LOC400499: variants seen among roughly 807,000 people sequenced by gnomAD.
chr16:11,483,464 A>C, the LOC400499 span, among the ~76,000 whole-genome samples: 1 of 152,210 alleles, frequency 6.6e-6, no homozygotes, highest in Non-Finnish European at 1.5e-5. Flanking sequence ...GAATACCATT[A>C]AGCAATAAAA....
chr16:11,386,633 T>G, the LOC400499 span, among the ~76,000 whole-genome samples: 1 of 152,128 alleles, frequency 6.6e-6, no homozygotes, highest in Admixed American at 6.5e-5. Flanking sequence ...TTACCTACAT[T>G]TCACGGTGGA....
At chr16:11,425,468 C>T in the LOC400499 span, 15 of 398,948 alleles carry the variant, frequency 3.8e-5, no homozygotes, top group East Asian at 7.1e-5. Flanking sequence ...AGAGCAGAGG[C>T]GGCTCAGGGA....
chr16:11,518,719 C>T, the LOC400499 span, among the ~76,000 whole-genome samples: 4 of 152,160 alleles, frequency 2.6e-5, no homozygotes, highest in Admixed American at 6.5e-5. Context: ...AAAACAAATA[C>T]AGAAACTTCT....
At chr16:11,416,378 A>T in the LOC400499 span, among the ~76,000 whole-genome samples, 1 of 152,086 alleles carries the variant, frequency 6.6e-6, no homozygotes, top group African/African-American at 2.4e-5. Flanking sequence ...CTCTGGGTTC[A>T]ATCCTCACTC....
the LOC400499 span, chr16:11,392,696 G>T: frequency 1.2e-6 from 1 of 844,152 alleles, no homozygotes. Context: ...CCCCCGACAC[G>T]GCAGTCAGTT....
the LOC400499 span, chr16:11,522,226 AG>A: frequency 2.5e-6 from 1 of 397,888 alleles, no homozygotes; most frequent in East Asian, 3.6e-5. Context: ...CTGGGCCCTG[AG>A]CTGCCTGTCC....
chr16:11,496,646 G>C, the LOC400499 span, among the ~76,000 whole-genome samples: 23 of 152,146 alleles, frequency 1.5e-4, no homozygotes, highest in African/African-American at 5.3e-4. Flanking sequence ...TTGGATGTGT[G>C]CATGTGCCCA....
At chr16:11,489,103 G>A in the LOC400499 span, among the ~76,000 whole-genome samples, 1 of 152,222 alleles carries the variant, frequency 6.6e-6, no homozygotes, top group East Asian at 1.9e-4. Context: ...ACACTTCCCA[G>A]AAGAGAAAGG....
At chr16:11,420,606 C>A in the LOC400499 span, among the ~76,000 whole-genome samples, 10 of 100,430 alleles carry the variant, frequency 1.0e-4, no homozygotes, top group South Asian at 3.6e-4. Flanking sequence ...AACCCCCCCC[C>A]CCGGAAAAAA....
chr16:11,427,106 C>G, the LOC400499 span, among the ~76,000 whole-genome samples: 1 of 151,760 alleles, frequency 6.6e-6, no homozygotes, highest in Non-Finnish European at 1.5e-5. Flanking sequence ...ACCTGTAATC[C>G]CAGCACTTTG....
the LOC400499 span, chr16:11,494,881 C>G: frequency 2.5e-6 from 1 of 397,652 alleles, no homozygotes; most frequent in Admixed American, 4.4e-5. Context: ...CCCCCAGAGT[C>G]TGAACAAATT....
At chr16:11,385,651 T>C in the LOC400499 span, among the ~76,000 whole-genome samples, 1 of 152,218 alleles carries the variant, frequency 6.6e-6, no homozygotes, top group African/African-American at 2.4e-5. Context: ...AAAGGAGTCC[T>C]GAGACCTGCT....
At chr16:11,423,228 G>C in the LOC400499 span, 2 of 399,178 alleles carry the variant, frequency 5.0e-6, no homozygotes, top group East Asian at 7.1e-5. Context: ...TAACAGCTGG[G>C]TGGGCGAGGC....
chr16:11,505,442 TTTC>T, the LOC400499 span, among the ~76,000 whole-genome samples: 4 of 140,404 alleles, frequency 2.8e-5, no homozygotes, highest in Non-Finnish European at 4.6e-5. Flanking sequence ...TAATTTTTCT[TTTC>T]TTTTTTTTTT....
chr16:11,508,573 G>A, the LOC400499 span: 1 of 396,210 alleles, frequency 2.5e-6, no homozygotes, highest in African/African-American at 2.1e-5. Flanking sequence ...CAGCTGTGCA[G>A]TGCACAACCT....
At chr16:11,383,669 C>G in the LOC400499 span, 165 of 1,232,266 alleles carry the variant, frequency 1.3e-4, no homozygotes, top group Middle Eastern at 6.2e-4. Flanking sequence ...GCCAGGGGTA[C>G]GAATCCACGG....
At chr16:11,509,130 T>C in the LOC400499 span, among the ~76,000 whole-genome samples, 2 of 149,734 alleles carry the variant, frequency 1.3e-5, no homozygotes, top group Non-Finnish European at 3.0e-5. Flanking sequence ...CTTTTTTTTT[T>C]TTTTTTGAGA....
At chr16:11,437,247 C>T in the LOC400499 span, among the ~76,000 whole-genome samples, 5 of 152,268 alleles carry the variant, frequency 3.3e-5, no homozygotes, top group Non-Finnish European at 4.4e-5. Context: ...AGATCCATTA[C>T]GTTGTATCAA....
the LOC400499 span, among the ~76,000 whole-genome samples, chr16:11,414,762 G>A: frequency 6.6e-6 from 1 of 152,244 alleles, no homozygotes; most frequent in Non-Finnish European, 1.5e-5. Flanking sequence ...TGAAGTTGCT[G>A]AAATGACACC....
Sources: gnomAD v4.1 joint callset for allele counts (sites outside exome capture counted in the v4.1 genomes callset) on GRCh38, gnomAD v4.1.1 for gene constraint, MANE v1.5 for transcripts.